TTI2: variants seen among roughly 807,000 people sequenced by gnomAD.
TTI2 encodes TELO2 interacting protein 2.
In TTI2, 26 loss-of-function variants were observed where a neutral mutation model predicts 44.9. The observed-to-expected ratio is 0.58, with a 90% CI of 0.42 to 0.80. The LOEUF is 0.80. Ranked by LOEUF, TTI2 falls within the 30% of genes least tolerant of loss-of-function variation. The pLI, the probability that TTI2 is intolerant of heterozygous loss-of-function variation, is 0.00. For missense variants in TTI2, 582 were observed against 611.6 expected, an observed-to-expected ratio of 0.95 and a Z score of 0.51; for synonymous variants, 254 against 250.9, an observed-to-expected ratio of 1.01 and a Z score of -0.12.
At chr8:33,508,591 G>A (rs963465954) in intron 3 of TTI2, among the ~76,000 whole-genome samples, 4 of 131,418 alleles carry the variant, frequency 3.0e-5, no homozygotes, top group Non-Finnish European at 3.1e-5. Context: ...AGCCTCCAGC[G>A]TAAGCGACAG....
At chr8:33,499,668 A>T (rs1048919548) in intron 7 of TTI2, 19 of 179,004 alleles carry the variant, frequency 1.1e-4, no homozygotes, top group African/African-American at 3.9e-4. Context: ...TAGGATATGA[A>T]TTTTTTTTTC....
intron 4 of TTI2, among the ~76,000 whole-genome samples, chr8:33,506,385 C>T (rs1221783016): frequency 1.4e-5 from 2 of 139,036 alleles, no homozygotes; most frequent in Admixed American, 7.7e-5. Flanking sequence ...TCCAAAGTAA[C>T]GTACTTTTTT....
At chr8:33,500,667 C>G (rs537407595) in intron 6 of TTI2, 177 bp from the exon 7 acceptor site, 1 of 668,318 alleles carries the variant, frequency 1.5e-6, no homozygotes, top group Admixed American at 3.0e-5. Context: ...TTCTTACCCT[C>G]AAGTCTCCTG....
chr8:33,508,639 A>AAAAAGGGCAGGG (rs1554527751), intron 3 of TTI2, among the ~76,000 whole-genome samples: 3 of 148,168 alleles, frequency 2.0e-5, no homozygotes, highest in Admixed American at 6.7e-5. Flanking sequence ...AAAAAAAAAA[A>AAAAAGGGCAGGG]GGGCAGGGGG....
intron 2 of TTI2, 47 bp from the exon 3 acceptor site, chr8:33,509,979 C>CAAAAAAAAAAAAAAAAAAAAATAAA: frequency 2.4e-6 from 1 of 416,694 alleles, no homozygotes; most frequent in East Asian, 4.9e-5. Flanking sequence ...TGATAAGTAG[C>CAAAAAAAAAAAAAAAAAAAAATAAA]AAAAAAAAAA....
chr8:33,500,369 A>T lies in TTI2; in HGVS notation c.1381T>A (p.Cys461Ser). 6.2e-7 allele frequency: 1 copy of T among 1,614,206 alleles called. No homozygotes were observed. The change falls in exon 7 of 8, where the codon TGC (cysteine) becomes AGC (serine). Residue 461 changes from cysteine to serine, a missense_variant. Physicochemically the swap from Cys to Ser is moderately radical, Grantham distance 112 (BLOSUM62 -1). Transcript: ENST00000431156. ...GAACAGCGGTCCAGGAGAATCAGGCAGTCTGTGGCCTCCTGTAGCAGGGCG... is the reference window on the plus strand; with the variant it reads ...GAACAGCGGTCCAGGAGAATCAGGCTGTCTGTGGCCTCCTGTAGCAGGGCG... ...KSALLQEATD[C>S]LILLDRCSQG...
rs1405339042 is a variant in TTI2, at chr8:33,512,634, G to A, written c.-21C>T. The A allele has an allele frequency of 2.5e-6, 4 of 1,610,614 alleles. No homozygotes were observed. Among genetic ancestry groups the A allele is most frequent in the African/African-American group, 1.3e-5 (1 of 75,024 alleles). ...TCCATTCCTGACTGCAGCACCAGAA[G>A]GCTGGTCTCTCCCACAGAACGAGGA... is the stretch of plus-strand genomic sequence containing the variant. On this transcript the variant is annotated 5_prime_UTR_variant, in exon 2 of 8. Transcript: ENST00000431156.
chr8:33,507,026 A>C (rs1809322690), intron 4 of TTI2, among the ~76,000 whole-genome samples: 1 of 152,160 alleles, frequency 6.6e-6, no homozygotes, highest in Non-Finnish European at 1.5e-5. Flanking sequence ...CAGATGAATA[A>C]AAAACACTGT....
Position 33,512,641 on chromosome 8 carries a change from C to A in TTI2, c.-28G>T, listed in dbSNP as rs368735509. ...CTGACTGCAGCACCAGAAGGCTGGTCTCTCCCACAGAACGAGGATGGAGGC... is the reference window on the plus strand; with the variant it reads ...CTGACTGCAGCACCAGAAGGCTGGTATCTCCCACAGAACGAGGATGGAGGC... On this transcript the variant is annotated 5_prime_UTR_variant, in exon 2 of 8. Transcript: ENST00000431156. 17 of 1,609,538 alleles carry A rather than the reference C, an allele frequency of 1.1e-5. No individual in the cohort carries two copies. The highest frequency in any genetic ancestry group is 1.4e-5 in the Non-Finnish European group (16 of 1,179,842).
Position 33,511,978 on chromosome 8 carries a change from G to A in TTI2, c.636C>T (p.Pro212=), listed in dbSNP as rs1161985300. The change falls in exon 2 of 8, where the codon CCC becomes CCT. Residue 212 remains proline (P), a synonymous_variant. Coordinates refer to ENST00000431156, the MANE Select transcript of TTI2 (RefSeq NM_001102401.4). ...GCAGGAGTACTCACTTATACAAGTC[G>A]GGTTTGAGAAGCCCTAGTATCACCG... The part of the protein sequence containing the change: ...RLSVILGLLK[P]DLYKESWKNN... The A allele has an allele frequency of 1.9e-6, 3 of 1,614,018 alleles. No homozygotes were observed. The highest frequency in any genetic ancestry group is 1.1e-5 in the South Asian group (1 of 91,080).
In TTI2 at chr8:33,512,404, C is replaced by T. The variant is rs998635207; in HGVS notation, c.210G>A (p.Gly70=). The change falls in exon 2 of 8, where the codon GGG becomes GGA. Residue 70 remains glycine, a synonymous_variant. Coordinates refer to ENST00000431156, the MANE Select transcript of TTI2 (RefSeq NM_001102401.4). ...EATEFDRLFE[G]TGARLRGMPE... is the part of the protein sequence containing the mutation. ...GCATTCCGCGGAGCCGTGCACCAGT[C>T]CCCTCAAATAACCTATCAAATTCTG... 1.9e-6 allele frequency: 3 copies of T among 1,613,968 alleles called. No homozygotes were observed. Among genetic ancestry groups the T allele is most frequent in the South Asian group, 1.1e-5 (1 of 91,088 alleles).
Position 33,507,541 on chromosome 8 carries a change from G to A in TTI2, c.835-220C>T, listed in dbSNP as rs528516953. Among the ~76,000 whole-genome samples the A allele has an allele frequency of 1.3e-3, 191 of 152,254 alleles. 1 individual carries two copies. Among genetic ancestry groups the A allele is most frequent in the Admixed American group, 4.5e-3 (69 of 15,272 alleles). Reference sequence around the variant, plus strand: ...GCAGCAAGTGATAAAAGATTCCTCTGGGTGGGGTATGCTTTCCATACCAGG... The same window carrying A: ...GCAGCAAGTGATAAAAGATTCCTCTAGGTGGGGTATGCTTTCCATACCAGG... On this transcript the variant is annotated intron_variant, in intron 3 of 7. Transcript: ENST00000431156.
intron 4 of TTI2, among the ~76,000 whole-genome samples, 186 bp downstream of exon 4, chr8:33,507,043 T>C (rs1809324221): frequency 6.6e-6 from 1 of 152,226 alleles, no homozygotes; most frequent in African/African-American, 2.4e-5. Context: ...CTGTCTTATC[T>C]GTGGAGACTC....
chr8:33,505,485 CTTT>C (rs11446015), intron 4 of TTI2, among the ~76,000 whole-genome samples: 1 of 146,936 alleles, frequency 6.8e-6, no homozygotes, highest in Non-Finnish European at 1.5e-5. Context: ...GCCACTGCAC[CTTT>C]TTTTTTTCTT....
intron 3 of TTI2, 77 bp downstream of exon 3, chr8:33,509,669 A>G (rs1159900416): frequency 2.9e-6 from 4 of 1,396,304 alleles, no homozygotes; most frequent in South Asian, 2.3e-5. Context: ...ATGACTTAGC[A>G]TTACTAGAAA....
At position 33,512,474 on chromosome 8, in the gene TTI2, A is replaced by C; in HGVS notation, c.140T>G (p.Val47Gly). 2 of 1,614,054 alleles carry C rather than the reference A, an allele frequency of 1.2e-6. No individual in the cohort carries two copies. Among genetic ancestry groups the C allele is most frequent in the Non-Finnish European group, 1.7e-6 (2 of 1,179,976 alleles). ...GAGGTCTTTAAGAACTGCATCTTTT[A>C]CATTGCCTCGTCGTGCCTCCGGGCG... ...LARPEARRGNVKDAVLKDLGD... is the reference protein window; with the variant it reads ...LARPEARRGNGKDAVLKDLGD... Residue 47 changes from valine (V) to glycine (G), a missense_variant, in exon 2 of 8, where the codon GTA (valine) becomes GGA (glycine). Physicochemically the swap from Val to Gly is moderately radical, Grantham distance 109. Coordinates refer to ENST00000431156, the MANE Select transcript of TTI2 (RefSeq NM_001102401.4).
Position 33,512,090 on chromosome 8 carries a change from A to G in TTI2, c.524T>C (p.Val175Ala). The change falls in exon 2 of 8, where the codon GTG (valine) becomes GCG (alanine). Residue 175 changes from valine (V) to alanine (A), a missense_variant. Physicochemically the swap from Val to Ala is moderately conservative, Grantham distance 64. Transcript: ENST00000431156. ...TPRSREVARE[V>A]LTSLLQVTEC... Reference sequence around the variant, plus strand: ...AGTAACTTGAAGCAGTGAGGTGAGCACCTCCCTAGCAACTTCCCGAGATCT... The same window carrying G: ...AGTAACTTGAAGCAGTGAGGTGAGCGCCTCCCTAGCAACTTCCCGAGATCT... 6.2e-7 allele frequency: 1 copy of G among 1,613,222 alleles called. No homozygotes were observed. The highest frequency in any genetic ancestry group is 8.5e-7 in the Non-Finnish European group (1 of 1,179,822).
intron 2 of TTI2, among the ~76,000 whole-genome samples, chr8:33,510,525 C>T (rs924797570): frequency 6.6e-6 from 1 of 152,094 alleles, no homozygotes; most frequent in African/African-American, 2.4e-5. Context: ...TACACACTTG[C>T]ACCACCATAC....
At chr8:33,508,847 A>G (rs79420521) in intron 3 of TTI2, among the ~76,000 whole-genome samples, 2,341 of 152,056 alleles carry the variant, frequency 0.015, 74 homozygotes, top group African/African-American at 0.053. Context: ...TTCGTCCTTG[A>G]AACTCAACTG....
Sources: gnomAD v4.1 joint callset for allele counts (sites outside exome capture counted in the v4.1 genomes callset) on GRCh38, gnomAD v4.1.1 for gene constraint, MANE v1.5 for transcripts, NCBI Gene and HGNC (gene_info 2026-07-23, HGNC 2026-07-21) for gene names.